Variants in ATXN2 observed in about 807,000 individuals in gnomAD.
The protein encoded by ATXN2 is ataxin-2.
ATXN2 carries 37 observed loss-of-function variants against 138.6 expected under a neutral mutation model. The ratio of observed to expected loss-of-function variants is 0.27; its 90% CI spans 0.21 to 0.35. The LOEUF (loss-of-function observed/expected upper bound fraction) is 0.35. Among genes scored for constraint, ATXN2 ranks in the 10% least tolerant of loss-of-function variants. ATXN2 has a pLI of 1.00. For missense variants in ATXN2, 1,216 were observed against 1,480.3 expected (o/e 0.82, Z 2.93); for synonymous variants, 549 against 543.7 (o/e 1.01, Z -0.13).
chr12:111,500,941 A>G (rs1878726466), intron 14 of ATXN2, among the ~76,000 whole-genome samples: 1 of 152,214 alleles, frequency 6.6e-6, no homozygotes, highest in Non-Finnish European at 1.5e-5. Flanking sequence ...CTAGTATTTG[A>G]CAACAAAGCA....
upstream of ATXN2, chr12:111,599,608 TGA>T: frequency 2.8e-6 from 3 of 1,069,420 alleles, no homozygotes; most frequent in Non-Finnish European, 3.4e-6. Flanking sequence ...AAGCAGAACG[TGA>T]GGTGGCCCCG....
chr12:111,518,876 A>G (rs980094963), intron 8 of ATXN2, among the ~76,000 whole-genome samples: 2 of 152,288 alleles, frequency 1.3e-5, no homozygotes, highest in Non-Finnish European at 2.9e-5. Context: ...ATCAGTGGAC[A>G]TGTCAATTCA....
At chr12:111,479,804 G>C (rs540457482) in intron 18 of ATXN2, among the ~76,000 whole-genome samples, 145 of 150,698 alleles carry the variant, frequency 9.6e-4, no homozygotes, top group Non-Finnish European at 1.5e-3. Context: ...TATGACCCAG[G>C]GAAGCCAAAA....
chr12:111,558,720 C>A (rs1372492767), intron 1 of ATXN2, among the ~76,000 whole-genome samples: 2 of 151,976 alleles, frequency 1.3e-5, no homozygotes, highest in East Asian at 3.9e-4. Context: ...TCACTTGAGC[C>A]CAGGAGGTCA....
chr12:111,462,462 A>G (rs916862672), intron 21 of ATXN2, among the ~76,000 whole-genome samples: 4 of 152,230 alleles, frequency 2.6e-5, no homozygotes, highest in African/African-American at 9.6e-5. Flanking sequence ...TTATAAAACA[A>G]AACAAAATCT....
intron 10 of ATXN2, among the ~76,000 whole-genome samples, chr12:111,515,175 A>G (rs1879783206): frequency 2.0e-5 from 3 of 152,202 alleles, no homozygotes; most frequent in African/African-American, 2.4e-5. Flanking sequence ...AGATGGTAAC[A>G]ATTTATTTAA....
At chr12:111,544,153 G>A (rs1881683458) in intron 5 of ATXN2, among the ~76,000 whole-genome samples, 1 of 152,112 alleles carries the variant, frequency 6.6e-6, no homozygotes, top group South Asian at 2.1e-4. Context: ...TTTCTAGGGT[G>A]AGGGTATACA....
chr12:111,464,247 GGTGTGT>G (rs57717176), intron 21 of ATXN2, among the ~76,000 whole-genome samples: 42 of 134,714 alleles, frequency 3.1e-4, no homozygotes, highest in African/African-American at 4.3e-4. Context: ...TGTGGCTTGG[GGTGTGT>G]GTGTGTGTGT....
chr12:111,571,040 C>T (rs906958807), intron 1 of ATXN2, among the ~76,000 whole-genome samples: 14 of 152,152 alleles, frequency 9.2e-5, no homozygotes, highest in Non-Finnish European at 1.5e-4. Flanking sequence ...TTGCTTTAAG[C>T]GTGTTACATG....
Position 111,510,409 on chromosome 12 carries a change from T to C in ATXN2, c.1732A>G (p.Arg578Gly), listed in dbSNP as rs1167016898. The change falls in exon 12 of 25, where the codon AGA (arginine) becomes GGA (glycine). Residue 578 changes from arginine (R) to glycine (G), a missense_variant. Arg to Gly is a moderately radical substitution (Grantham distance 125). Around this residue, in one of 4 missense-constraint regions of ATXN2, gnomAD observed 215 missense variants for 210.0 expected, o/e 1.02. Transcript: ENST00000673436. ...SPTPASPASN[R>G]AVTPSSEAKD... Reference sequence around the variant, plus strand: ...CCCTCACTAGAAGGGGTAACAGCTCTGTTCGATGCAGGACTAGCAGGCGTA... The same window carrying C: ...CCCTCACTAGAAGGGGTAACAGCTCCGTTCGATGCAGGACTAGCAGGCGTA... The C allele has an allele frequency of 6.2e-7, 1 of 1,614,172 alleles. No individual in the cohort carries two copies. Among genetic ancestry groups the C allele is most frequent in the Middle Eastern group, 1.6e-4 (1 of 6,062 alleles).
chr12:111,542,514 TG>T (rs1881575867), intron 5 of ATXN2, among the ~76,000 whole-genome samples: 1 of 152,202 alleles, frequency 6.6e-6, no homozygotes, highest in Admixed American at 6.5e-5. Flanking sequence ...GTCACCCAGC[TG>T]GAGTGCCGTG....
intron 1 of ATXN2, among the ~76,000 whole-genome samples, chr12:111,574,365 T>C (rs1159988211): frequency 6.8e-6 from 1 of 147,850 alleles, no homozygotes; most frequent in African/African-American, 2.5e-5. Context: ...ATTTATAGAC[T>C]ATGAACAACT....
In ATXN2 at chr12:111,552,288, G is replaced by C. The variant is rs1882163885; in HGVS notation, c.563C>G (p.Ala188Gly). 3 of 1,587,268 alleles carry C rather than the reference G, an allele frequency of 1.9e-6. No homozygotes were observed. Among genetic ancestry groups the C allele is most frequent in the Non-Finnish European group, 2.6e-6 (3 of 1,171,496 alleles). ...AGGAAATCAAAACCCACCTCTTTTT[G>C]CATAACTGGAGTCCATATCTTTAAA... ...VQFKDMDSSYAKRDAFTDSAI... is the reference protein window; with the variant it reads ...VQFKDMDSSYGKRDAFTDSAI... Residue 188 changes from alanine (A) to glycine (G), a missense_variant, in exon 5 of 25, where the codon GCA (alanine) becomes GGA (glycine). Around this residue, in one of 4 missense-constraint regions of ATXN2, gnomAD observed 401 missense variants for 528.1 expected, o/e 0.76. Coordinates refer to ENST00000673436, the MANE Select transcript of ATXN2 (RefSeq NM_001372574.1). This position sits in a 1 kb window ranked among gnomAD's most constrained non-coding sequence, Gnocchi z 4.1.
Position 111,552,565 on chromosome 12 carries a change from C to A in ATXN2, c.421-135G>T. The A allele has an allele frequency of 1.1e-6, 1 of 875,530 alleles. No individual in the cohort carries two copies. Among genetic ancestry groups the A allele is most frequent in the Non-Finnish European group, 1.7e-6 (1 of 601,640 alleles). The allele number at this position is 875,530 out of a possible 1,614,324, so 54.2% of individuals were successfully genotyped here. ...TCTCAAGAGAATCATACCCTTTTTC[C>A]CAGGCATATGATCTATTATCCATTC... On this transcript the variant is annotated intron_variant, in intron 4 of 24. Coordinates refer to ENST00000673436, the MANE Select transcript of ATXN2 (RefSeq NM_001372574.1). The surrounding 1 kb of genome is among the most constrained non-coding windows in gnomAD (Gnocchi z 4.1).
intron 7 of ATXN2, 51 bp downstream of exon 7, chr12:111,520,831 T>C (rs375824943): frequency 1.1e-4 from 115 of 1,056,378 alleles, no homozygotes; most frequent in Non-Finnish European, 1.4e-4. Flanking sequence ...ATTAAGCTGA[T>C]GAAAATCAAA....
In ATXN2 at chr12:111,464,247, GGTGT is replaced by G. The variant is rs57717176; in HGVS notation, c.2896+411_2896+414del. 7.6e-3 allele frequency among the ~76,000 whole-genome samples: 1,026 copies of G among 134,674 alleles called. 10 individuals carry two copies. Among genetic ancestry groups the G allele is most frequent in the Non-Finnish European group, 0.01 (643 of 63,570 alleles). 88.4% of individuals were successfully genotyped at this position (134,674 alleles called of 152,430 possible). A position where few individuals can be genotyped will look rare whatever the true frequency, so the allele number is the denominator to read the frequency against. On this transcript the variant is annotated intron_variant, in intron 21 of 24. Coordinates refer to ENST00000673436, the MANE Select transcript of ATXN2 (RefSeq NM_001372574.1). Reference sequence around the variant, plus strand: ...AGTTTATACCAAGCTTGTGGCTTGGGGTGTGTGTGTGTGTGTGTGTGTGTGTGTG... The same window carrying G: ...AGTTTATACCAAGCTTGTGGCTTGGGGTGTGTGTGTGTGTGTGTGTGTGTG...
chr12:111,470,169 A>C lies in ATXN2; in HGVS notation c.2781T>G (p.Pro927=). 1 of 1,614,150 alleles carries C rather than the reference A, an allele frequency of 6.2e-7. No homozygotes were observed. ...RMMAPPTHAQ[P]GLVSSSATQY... is the part of the protein sequence containing the mutation. ...GAGTTGCTGAAGAAGATACTAAACCAGGCTGGGCGTGTGTTGGTGGTGCCA... is the reference window on the plus strand; with the variant it reads ...GAGTTGCTGAAGAAGATACTAAACCCGGCTGGGCGTGTGTTGGTGGTGCCA... Residue 927 remains proline (P), a synonymous_variant, in exon 20 of 25, where the codon CCT becomes CCG. Transcript: ENST00000673436.
chr12:111,456,582 G>A (rs574936600), intron 22 of ATXN2, among the ~76,000 whole-genome samples: 2 of 152,228 alleles, frequency 1.3e-5, no homozygotes, highest in Admixed American at 6.5e-5. Context: ...AATTCAAGAA[G>A]CTCATAGGAA....
In ATXN2 at chr12:111,546,891, G is replaced by T. The variant is rs1403006231; in HGVS notation, c.571+5389C>A. On this transcript the variant is annotated intron_variant, in intron 5 of 24. Transcript: ENST00000673436. ...CTGATGGTCTCTTCTAATTATGAAT[G>T]TGCCAAGGTGACTCACAGCTCATAT... is the stretch of plus-strand genomic sequence containing the variant. Among the ~76,000 whole-genome samples the T allele has an allele frequency of 2.0e-5, 3 of 152,174 alleles. No individual in the cohort carries two copies. The South Asian group carries it at 6.2e-4, about 31-fold the overall frequency.
Sources: allele counts gnomAD v4.1 joint callset (sites outside exome capture counted in the v4.1 genomes callset), GRCh38; gene constraint gnomAD v4.1.1; regional missense constraint gnomAD v4.1.1; non-coding constraint Gnocchi (gnomAD v3.1); transcripts MANE v1.5; gene names NCBI Gene and HGNC (gene_info 2026-07-23, HGNC 2026-07-21).